The following MACROD2 variants were observed in gnomAD, a reference collection of about 807,000 sequenced individuals.
MACROD2 encodes the protein mono-ADP ribosylhydrolase 2.
In MACROD2, 36 loss-of-function variants were observed where a neutral mutation model predicts 70.4. That is an observed-to-expected ratio of 0.51 (90% CI 0.39 to 0.68). The LOEUF (loss-of-function observed/expected upper bound fraction) is 0.68. Ranked by LOEUF, MACROD2 falls within the 30% of genes least tolerant of loss-of-function variation. The probability of loss-of-function intolerance (pLI) is 0.00; values close to 1 mark genes in which losing one functional copy is unlikely to be tolerated. For synonymous variants in MACROD2, 172 were observed against 178.8 expected (o/e 0.96, Z 0.30); for missense variants, 496 against 538.4 (o/e 0.92, Z 0.78).
intron 2 of MACROD2, among the ~76,000 whole-genome samples, chr20:14,038,514 C>T (rs1360002526): frequency 2.0e-5 from 3 of 152,170 alleles, no homozygotes; most frequent in Non-Finnish European, 2.9e-5. Context: ...GGATTTGAAC[C>T]CAGACCTTCT....
intron 8 of MACROD2, among the ~76,000 whole-genome samples, chr20:15,585,873 C>A (rs1241571599): frequency 6.6e-6 from 1 of 152,038 alleles, no homozygotes; most frequent in African/African-American, 2.4e-5. Flanking sequence ...TACCAAAACC[C>A]GTCACACTAT....
At chr20:14,388,257 C>T (rs1251815764) in intron 3 of MACROD2, among the ~76,000 whole-genome samples, 1 of 151,962 alleles carries the variant, frequency 6.6e-6, no homozygotes, top group Non-Finnish European at 1.5e-5. Flanking sequence ...CGTGATCCAC[C>T]CATCTCAGCC....
chr20:15,841,826 G>C (rs1001439332), intron 8 of MACROD2, among the ~76,000 whole-genome samples: 3 of 152,090 alleles, frequency 2.0e-5, no homozygotes, highest in African/African-American at 7.2e-5. Context: ...GAGGTAGTTT[G>C]TGATGGGTTC....
Position 14,457,643 on chromosome 20 carries a change from A to G in MACROD2, c.272-35836A>G, listed in dbSNP as rs1327686158. 4.6e-5 allele frequency among the ~76,000 whole-genome samples: 7 copies of G among 152,246 alleles called. No individual in the cohort carries two copies. The East Asian group carries it at 9.6e-4, about 21-fold the overall frequency. On this transcript the variant is annotated intron_variant, in intron 3 of 17. Coordinates refer to ENST00000684519, the MANE Select transcript of MACROD2 (RefSeq NM_001351661.2). ...TCCCTTGGGGATCAAATATGTGTCC[A>G]ATGAGAAGATCCAGGATGTCATACT...
chr20:14,355,519 A>G (rs904634585), intron 3 of MACROD2, among the ~76,000 whole-genome samples: 1 of 152,206 alleles, frequency 6.6e-6, no homozygotes, highest in Admixed American at 6.5e-5. Context: ...TCAATAAAAT[A>G]CAGAATCAAG....
rs529930333 is a variant in MACROD2 at position 14,544,790 on chromosome 20, C to T, written c.301+51282C>T. ...AGAGTCAAGTGTACAGAATTTCCCA[C>T]TAGAGATAAGGGAGCTGGAGTATTT... On this transcript the variant is annotated intron_variant, in intron 4 of 17. Coordinates refer to ENST00000684519, the MANE Select transcript of MACROD2 (RefSeq NM_001351661.2). Among the ~76,000 whole-genome samples the T allele has an allele frequency of 4.3e-4, 65 of 152,260 alleles. 1 individual carries two copies. Among genetic ancestry groups the T allele is most frequent in the Middle Eastern group, 6.8e-3 (2 of 294 alleles).
chr20:14,265,547 T>G (rs180754250), intron 3 of MACROD2, among the ~76,000 whole-genome samples: 1 of 152,322 alleles, frequency 6.6e-6, no homozygotes, highest in East Asian at 1.9e-4. Context: ...TTTTTCACAT[T>G]TTAATATTTG....
chr20:15,475,534 A>G (rs2047011516), intron 7 of MACROD2, among the ~76,000 whole-genome samples: 1 of 152,224 alleles, frequency 6.6e-6, no homozygotes, highest in East Asian at 1.9e-4. Flanking sequence ...GGGTGAAAAC[A>G]GAACTACATT....
intron 13 of MACROD2, 53 bp downstream of exon 13, chr20:15,967,683 A>AT: frequency 4.1e-6 from 3 of 726,870 alleles, no homozygotes; most frequent in Non-Finnish European, 3.7e-6. Flanking sequence ...GGGAAACAGA[A>AT]AAAAAAAAAA....
At position 15,224,007 on chromosome 20, in the gene MACROD2, A is replaced by G. The variant is rs565531987; in HGVS notation, c.419-5933A>G. On this transcript the variant is annotated intron_variant, in intron 5 of 17. Transcript: ENST00000684519. ...TCCAACTGCTCTGAGGCTGCTGTGC[A>G]GTGAGGAAACCCAAACTAGCCCACA... 2.2e-4 allele frequency among the ~76,000 whole-genome samples: 33 copies of G among 152,312 alleles called. No individual in the cohort carries two copies. In the South Asian group the frequency reaches 3.9e-3, roughly 18 times the overall value.
intron 9 of MACROD2, among the ~76,000 whole-genome samples, chr20:15,874,913 A>G (rs1393896817): frequency 6.6e-6 from 1 of 152,138 alleles, no homozygotes; most frequent in Admixed American, 6.6e-5. Context: ...GGTGGGGTCA[A>G]TGTCATCAAG....
At chr20:15,297,532 G>A (rs1000197573) in intron 6 of MACROD2, among the ~76,000 whole-genome samples, 21 of 152,156 alleles carry the variant, frequency 1.4e-4, no homozygotes, top group Admixed American at 6.5e-5. Context: ...CAGGGGAGGT[G>A]TTTACCAAAC....
intron 8 of MACROD2, among the ~76,000 whole-genome samples, chr20:15,717,274 T>C (rs1461577000): frequency 1.3e-5 from 2 of 152,190 alleles, no homozygotes; most frequent in African/African-American, 4.8e-5. Context: ...CAAAAAGCCA[T>C]AATTGGGTGA....
chr20:15,437,080 G>A (rs907780857), intron 7 of MACROD2, among the ~76,000 whole-genome samples: 1 of 152,128 alleles, frequency 6.6e-6, no homozygotes, highest in Non-Finnish European at 1.5e-5. Flanking sequence ...GAGAGGGAGG[G>A]AAATTGGTGT....
chr20:14,972,750 A>G (rs1210348164), intron 5 of MACROD2, among the ~76,000 whole-genome samples: 1 of 152,152 alleles, frequency 6.6e-6, no homozygotes, highest in Non-Finnish European at 1.5e-5. Context: ...TACAATTTCC[A>G]TCTTACTCTC....
chr20:14,527,029 T>C (rs1454100609), intron 4 of MACROD2, among the ~76,000 whole-genome samples: 1 of 152,216 alleles, frequency 6.6e-6, no homozygotes, highest in Admixed American at 6.5e-5. Context: ...GAAGTAGCTT[T>C]CAGCAGATGG....
At chr20:15,411,825 G>A (rs1276047874) in intron 6 of MACROD2, among the ~76,000 whole-genome samples, 1 of 152,176 alleles carries the variant, frequency 6.6e-6, no homozygotes, top group African/African-American at 2.4e-5. Context: ...CAAGGAAGCT[G>A]AAGCCCAGGA....
At chr20:15,720,570 A>G (rs1247450834) in intron 8 of MACROD2, among the ~76,000 whole-genome samples, 1 of 152,166 alleles carries the variant, frequency 6.6e-6, no homozygotes. Context: ...CTCGTTAGAG[A>G]TGCAATTTGT....
At chr20:15,028,408 G>A (rs13433234) in intron 5 of MACROD2, among the ~76,000 whole-genome samples, 10,431 of 152,206 alleles carry the variant, frequency 0.069, 983 homozygotes, top group African/African-American at 0.21. Context: ...CTGAATTAGC[G>A]AAGTCCAAGC....
Sources: gnomAD v4.1 joint callset for allele counts (sites outside exome capture counted in the v4.1 genomes callset) on GRCh38, gnomAD v4.1.1 for gene constraint, MANE v1.5 for transcripts, NCBI Gene and HGNC (gene_info 2026-07-23, HGNC 2026-07-21) for gene names.